The following TNIP3 variants were observed in gnomAD, a reference collection of about 807,000 sequenced individuals.
The protein encoded by TNIP3 is TNFAIP3 interacting protein 3, also known as TNFAIP3-interacting protein 3.
TNIP3 carries 34 observed loss-of-function variants against 54.1 expected under a neutral mutation model. That is an observed-to-expected ratio of 0.63 (90% CI 0.48 to 0.84). The LOEUF is 0.84. TNIP3 is among the 40% of genes least tolerant of loss of function. TNIP3 has a pLI of 0.00. For missense variants in TNIP3, 366 were observed against 387.6 expected, an observed-to-expected ratio of 0.94 and a Z score of 0.47; for synonymous variants, 134 against 136.8, an observed-to-expected ratio of 0.98 and a Z score of 0.14.
intron 3 of TNIP3, among the ~76,000 whole-genome samples, chr4:121,173,830 C>G (rs1724136264): frequency 6.6e-6 from 1 of 152,134 alleles, no homozygotes; most frequent in African/African-American, 2.4e-5. Flanking sequence ...GGAGCTTCAC[C>G]ATGTTGGCCA....
intron 2 of TNIP3, among the ~76,000 whole-genome samples, chr4:121,214,602 C>CCCTT (rs1266558467): frequency 6.6e-6 from 1 of 152,074 alleles, no homozygotes; most frequent in Non-Finnish European, 1.5e-5. Flanking sequence ...CTTTCTTTTT[C>CCCTT]CCTTCCTTCT....
At chr4:121,193,164 A>G (rs1725389536) in intron 2 of TNIP3, among the ~76,000 whole-genome samples, 1 of 152,178 alleles carries the variant, frequency 6.6e-6, no homozygotes, top group South Asian at 2.1e-4. Flanking sequence ...TCAGCTATAC[A>G]AAAAGATTGG....
At chr4:121,156,295 A>C (rs1730082762) in intron 4 of TNIP3, among the ~76,000 whole-genome samples, 1 of 152,162 alleles carries the variant, frequency 6.6e-6, no homozygotes, top group Non-Finnish European at 1.5e-5. Context: ...ACTATACCTA[A>C]AATAACGAGG....
chr4:121,138,911 T>C (rs1728947459), intron 9 of TNIP3, among the ~76,000 whole-genome samples: 1 of 152,128 alleles, frequency 6.6e-6, no homozygotes, highest in South Asian at 2.1e-4. Flanking sequence ...TTCTACCACT[T>C]TGAGGTTGTG....
intron 3 of TNIP3, among the ~76,000 whole-genome samples, chr4:121,176,901 G>T (rs997279059): frequency 6.6e-6 from 1 of 152,142 alleles, no homozygotes; most frequent in African/African-American, 2.4e-5. Flanking sequence ...GCCACTGGGA[G>T]TTCCTCCCTT....
intron 10 of TNIP3, chr4:121,136,651 C>G (rs1009598007): frequency 2.0e-5 from 3 of 151,872 alleles, no homozygotes; most frequent in Non-Finnish European, 4.4e-5. Context: ...TCGAGACCAG[C>G]CTGGCAACAG....
At chr4:121,145,503 T>C (rs1263169759) in intron 7 of TNIP3, among the ~76,000 whole-genome samples, 1 of 151,908 alleles carries the variant, frequency 6.6e-6, no homozygotes, top group African/African-American at 2.4e-5. Flanking sequence ...CAACGTTAAG[T>C]AGATAGATAT....
At chr4:121,182,656 GAA>G in intron 3 of TNIP3, 2 of 1,533,426 alleles carry the variant, frequency 1.3e-6, no homozygotes, top group South Asian at 1.2e-5. Flanking sequence ...GAGATAAGGA[GAA>G]AAAAGGTGTT....
intron 2 of TNIP3, among the ~76,000 whole-genome samples, chr4:121,211,675 A>C (rs1311997965): frequency 6.6e-6 from 1 of 152,212 alleles, no homozygotes; most frequent in African/African-American, 2.4e-5. Context: ...ACTGGCTTTG[A>C]AACTGCTTCA....
chr4:121,205,031 CTT>C (rs1330429025), intron 2 of TNIP3, among the ~76,000 whole-genome samples: 4 of 152,236 alleles, frequency 2.6e-5, no homozygotes, highest in Admixed American at 1.3e-4. Flanking sequence ...TTATGGGTGT[CTT>C]TTCCCTTTCC....
upstream of TNIP3, among the ~76,000 whole-genome samples, chr4:121,169,273 A>T (rs1730940102): frequency 6.6e-6 from 1 of 152,020 alleles, no homozygotes; most frequent in South Asian, 2.1e-4. Flanking sequence ...TTGCCCCTTG[A>T]ACTTGTTCTC....
At chr4:121,152,093 T>TAAAAACAGTATG (rs1729795956) in intron 5 of TNIP3, among the ~76,000 whole-genome samples, 1 of 152,208 alleles carries the variant, frequency 6.6e-6, no homozygotes. Context: ...TGTGAACTTC[T>TAAAAACAGTATG]AAAAACAGTA....
At chr4:121,133,058 G>T (rs1447260696) in intron 10 of TNIP3, among the ~76,000 whole-genome samples, 2 of 152,076 alleles carry the variant, frequency 1.3e-5, no homozygotes, top group East Asian at 1.9e-4. Context: ...ATGGTACTGG[G>T]TACATTATTG....
rs751649715 is a variant in TNIP3 at position 121,161,220 on chromosome 4, A to C, written c.67-4T>G. On this transcript the variant is annotated splice_region_variant and splice_polypyrimidine_tract_variant and intron_variant, in intron 1 of 10. Transcript: ENST00000057513. ...TTCTTGTTGATGGTTCAGCACACTTAGAAAAAAAAAAAGAGAGAAGATTGA... is the reference window on the plus strand; with the variant it reads ...TTCTTGTTGATGGTTCAGCACACTTCGAAAAAAAAAAAGAGAGAAGATTGA... 1.9e-6 allele frequency: 3 copies of C among 1,558,236 alleles called. No individual in the cohort carries two copies. Among genetic ancestry groups the C allele is most frequent in the Non-Finnish European group, 2.6e-6 (3 of 1,152,220 alleles).
chr4:121,222,309 T>C (rs1015493564), intron 1 of TNIP3, among the ~76,000 whole-genome samples: 7 of 152,220 alleles, frequency 4.6e-5, no homozygotes, highest in African/African-American at 1.4e-4. Flanking sequence ...TCCTGTATTG[T>C]GGATTTCTAC....
intron 3 of TNIP3, among the ~76,000 whole-genome samples, chr4:121,180,982 C>T (rs1724660256): frequency 6.6e-6 from 1 of 152,168 alleles, no homozygotes; most frequent in African/African-American, 2.4e-5. Flanking sequence ...TGCCCTTTGC[C>T]TGGAAGTGTG....
Position 121,164,321 on chromosome 4 carries a change from T to A in TNIP3, c.-196A>T. ...GACTGTGGATAGGAATTACACAGAA[T>A]AAAGTTATAAGCACTGCAACTGGGA... On this transcript the variant is annotated 5_prime_UTR_variant, in exon 1 of 11. Coordinates refer to ENST00000057513, the MANE Select transcript of TNIP3 (RefSeq NM_024873.6). 7.2e-7 allele frequency: 1 copy of A among 1,392,476 alleles called. No homozygotes were observed. The highest frequency in any genetic ancestry group is 9.3e-7 in the Non-Finnish European group (1 of 1,075,112). The allele number at this position is 1,392,476 out of a possible 1,614,324, so 86.3% of individuals were successfully genotyped here. A position where few individuals can be genotyped will look rare whatever the true frequency, so the allele number is the denominator to read the frequency against.
upstream of TNIP3, among the ~76,000 whole-genome samples, chr4:121,169,070 A>G (rs1254925771): frequency 6.6e-6 from 1 of 151,968 alleles, no homozygotes; most frequent in Non-Finnish European, 1.5e-5. Flanking sequence ...CACAGTGGCC[A>G]CTGTGAGACT....
At chr4:121,201,503 G>A (rs770358213) in intron 2 of TNIP3, among the ~76,000 whole-genome samples, 2 of 152,204 alleles carry the variant, frequency 1.3e-5, no homozygotes, top group Non-Finnish European at 2.9e-5. Context: ...TCTACAGCAT[G>A]AGTATCATGA....
Sources: gnomAD v4.1 joint callset for allele counts (sites outside exome capture counted in the v4.1 genomes callset) on GRCh38, gnomAD v4.1.1 for gene constraint, MANE v1.5 for transcripts, NCBI Gene and HGNC (gene_info 2026-07-23, HGNC 2026-07-21) for gene names.